Variants in RBL1 observed in about 807,000 individuals in gnomAD.
The protein encoded by RBL1 is retinoblastoma-like protein 1.
A neutral mutation model predicts 123.0 loss-of-function variants in RBL1; 82 were observed. The ratio of observed to expected loss-of-function variants is 0.67; its 90% CI spans 0.56 to 0.80. The LOEUF (loss-of-function observed/expected upper bound fraction) is 0.80, where lower values mean the gene tolerates loss of function less well. Ranked by LOEUF, RBL1 falls within the 30% of genes least tolerant of loss-of-function variation. The pLI is 0.00. For synonymous variants in RBL1, 405 were observed against 441.3 expected (o/e 0.92, Z 1.03); for missense variants, 1,171 against 1,299.6 (o/e 0.90, Z 1.52).
chr20:36,999,548 G>C (rs2146189848), intron 21 of RBL1, among the ~76,000 whole-genome samples: 1 of 150,706 alleles, frequency 6.6e-6, no homozygotes, highest in South Asian at 2.1e-4. Flanking sequence ...CCGAGCCAAA[G>C]CTGGACTGTA....
chr20:37,001,939 AAAAC>A lies in RBL1; in HGVS notation c.3036+1759_3036+1762del, dbSNP rs1305853066. Among the ~76,000 whole-genome samples, 361 of 150,240 alleles carry A rather than the reference AAAAC, an allele frequency of 2.4e-3. 2 individuals carry two copies. The highest frequency in any genetic ancestry group is 8.0e-3 in the African/African-American group (327 of 40,782). On this transcript the variant is annotated intron_variant, in intron 21 of 21. Transcript: ENST00000373664. ...ACAATAAAAAAAAAAAAAAAAAAAA[AAAAC>A]AAACCAAACCAATCCAAACCAAAAC...
At chr20:37,062,693 C>T (rs1331094261) in intron 7 of RBL1, among the ~76,000 whole-genome samples, 1 of 148,646 alleles carries the variant, frequency 6.7e-6, no homozygotes, top group African/African-American at 2.5e-5. Flanking sequence ...CGGTGGCTCA[C>T]GCCTGTAATC....
chr20:37,056,162 C>T lies in RBL1; in HGVS notation c.1347G>A (p.Gln449=), dbSNP rs1437721531. Residue 449 remains glutamine (Q), a synonymous_variant, in exon 10 of 22, where the codon CAG becomes CAA. Transcript: ENST00000373664. ...CQHYTQSTDE[Q]PGSHIDFAVN... The stretch of plus-strand genomic sequence containing the variant: ...TTTTCTTACCTATGTGAGATCCTGG[C>T]TGTTCATCTGTTGATTGAGTATAGT... 2 of 1,607,904 alleles carry T rather than the reference C, an allele frequency of 1.2e-6. No individual in the cohort carries two copies. Among genetic ancestry groups the T allele is most frequent in the East Asian group, 2.2e-5 (1 of 44,842 alleles).
intron 11 of RBL1, among the ~76,000 whole-genome samples, chr20:37,053,179 A>T (rs1490818998): frequency 2.0e-5 from 3 of 152,224 alleles, no homozygotes; most frequent in Non-Finnish European, 4.4e-5. Flanking sequence ...TCAACCAACA[A>T]GATAAAACTG....
chr20:37,003,970 C>A, intron 20 of RBL1, 104 bp from the exon 21 acceptor site: 1 of 973,914 alleles, frequency 1.0e-6, no homozygotes, highest in Non-Finnish European at 1.4e-6. Flanking sequence ...AACAGTTATA[C>A]TGTAAAAAGC....
chr20:37,062,728 G>A (rs1467039132), intron 7 of RBL1, among the ~76,000 whole-genome samples: 2 of 151,744 alleles, frequency 1.3e-5, no homozygotes, highest in Non-Finnish European at 2.9e-5. Flanking sequence ...GGCCGAGGCG[G>A]GCAGATCACG....
Position 37,055,585 on chromosome 20 carries a change from C to G in RBL1, c.1435G>C (p.Glu479Gln). The G allele has an allele frequency of 6.2e-7, 1 of 1,614,114 alleles. No individual in the cohort carries two copies. The highest frequency in any genetic ancestry group is 8.5e-7 in the Non-Finnish European group (1 of 1,180,024). ...YKILETVMVQ[E>Q]TRRLHGMDMS... ...TCCATTCCATGAAGTCTTCGTGTTT[C>G]CTGAACCATTACAGTCTCTAGTATT... Residue 479 changes from glutamate to glutamine, a missense_variant, in exon 11 of 22, where the codon GAA becomes CAA. Physicochemically the swap from Glu to Gln is conservative, Grantham distance 29. Transcript: ENST00000373664.
intron 12 of RBL1, among the ~76,000 whole-genome samples, chr20:37,046,275 T>C (rs977929902): frequency 6.6e-6 from 1 of 152,194 alleles, no homozygotes; most frequent in African/African-American, 2.4e-5. Flanking sequence ...GATTATAATT[T>C]TCATTCATAA....
At chr20:37,001,918 T>TAAAAAAAAAAAAAAAAAAAAAAACAA (rs2063988222) in intron 21 of RBL1, among the ~76,000 whole-genome samples, 1 of 86,544 alleles carries the variant, frequency 1.2e-5, no homozygotes, top group African/African-American at 4.4e-5. Context: ...TGCAGAACAA[T>TAAAAAAAAAAAAAAAAAAAAAAACAA]AAAAAAAAAA....
rs2065194391 is a variant in RBL1, at chr20:37,067,283, C to T, written c.506G>A (p.Ser169Asn). 2.5e-6 allele frequency: 4 copies of T among 1,602,972 alleles called. No individual in the cohort carries two copies. Among genetic ancestry groups the T allele is most frequent in the South Asian group, 2.3e-5 (2 of 87,858 alleles). ...RSRKQRRIPC[S>N]VKDLFNFCWT... ...ACAGAAATTAAACAGATCCTTAACA[C>T]TGCAAGGAATCCTCCTAAAAAGGGA... is the stretch of plus-strand genomic sequence containing the variant. The change falls in exon 4 of 22, where the codon AGT (serine) becomes AAT (asparagine). Residue 169 changes from serine to asparagine, a missense_variant. Ser to Asn is a conservative substitution (Grantham distance 46, BLOSUM62 1). Transcript: ENST00000373664.
intron 2 of RBL1, among the ~76,000 whole-genome samples, chr20:37,087,573 G>C (rs6017242): frequency 0.01 from 1,575 of 152,196 alleles, 25 homozygotes; most frequent in African/African-American, 0.036. Context: ...GGGCAATACA[G>C]CAAGACTCGG....
chr20:37,066,853 A>ACG lies in RBL1; in HGVS notation c.716_717insCG (p.Thr240ValfsTer23). The ACG allele has an allele frequency of 6.2e-7, 1 of 1,614,058 alleles. No homozygotes were observed. Among genetic ancestry groups the ACG allele is most frequent in the Non-Finnish European group, 8.5e-7 (1 of 1,179,948 alleles). ...TGCAGGGTGGCTCTTCAGAAGCCGTAAAGTCAGCAGTATGAAAATCAGATG... is the reference window on the plus strand; with the variant it reads ...TGCAGGGTGGCTCTTCAGAAGCCGTACGAAGTCAGCAGTATGAAAATCAGATG... On this transcript the variant is annotated frameshift_variant, in exon 6 of 22. Coordinates refer to ENST00000373664, the MANE Select transcript of RBL1 (RefSeq NM_002895.5). LOFTEE classifies it high-confidence loss of function.
At chr20:37,026,563 G>C (rs1438172793) in intron 16 of RBL1, among the ~76,000 whole-genome samples, 2 of 152,086 alleles carry the variant, frequency 1.3e-5, no homozygotes, top group African/African-American at 4.8e-5. Context: ...AATTAGCCGG[G>C]TGTGGTGGCA....
intron 2 of RBL1, among the ~76,000 whole-genome samples, chr20:37,079,781 C>A (rs1362224048): frequency 1.3e-5 from 2 of 152,132 alleles, no homozygotes; most frequent in African/African-American, 4.8e-5. Context: ...AGCCACCACG[C>A]CCAGCCCACA....
chr20:37,043,944 C>A, intron 13 of RBL1, 142 bp downstream of exon 13: 1 of 557,090 alleles, frequency 1.8e-6, no homozygotes, highest in Non-Finnish European at 2.9e-6. Flanking sequence ...GTTATGGCTG[C>A]ACATATCTAT....
intron 19 of RBL1, among the ~76,000 whole-genome samples, chr20:37,012,706 C>T (rs547677479): frequency 2.0e-4 from 31 of 151,494 alleles, no homozygotes; most frequent in African/African-American, 7.0e-4. Flanking sequence ...GGTCAACCCC[C>T]GCCAGGCCAG....
chr20:37,079,285 G>A (rs1299391080), intron 2 of RBL1, among the ~76,000 whole-genome samples: 2 of 145,542 alleles, frequency 1.4e-5, no homozygotes, highest in African/African-American at 2.5e-5. Flanking sequence ...TTTAGAAAAA[G>A]AAACTTTTTT....
intron 7 of RBL1, among the ~76,000 whole-genome samples, chr20:37,062,969 G>A (rs537380508): frequency 9.9e-5 from 15 of 152,234 alleles, no homozygotes; most frequent in Admixed American, 2.0e-4. Flanking sequence ...GCGACAGAGC[G>A]AGACTCCGTC....
In RBL1 at chr20:37,085,623, G is replaced by A. The variant is rs1409296785; in HGVS notation, c.290+3366C>T. 2.1e-5 allele frequency among the ~76,000 whole-genome samples: 3 copies of A among 140,508 alleles called. No individual in the cohort carries two copies. The East Asian group carries it at 6.3e-4, about 30-fold the overall frequency. 92.2% of individuals were successfully genotyped at this position (140,508 alleles called of 152,430 possible). A position where few individuals can be genotyped will look rare whatever the true frequency, so the allele number is the denominator to read the frequency against. ...ACCATCACCACTGTCCATCTCCAGA[G>A]TTTGTTTCATTATTTGAAATTTGAT... On this transcript the variant is annotated intron_variant, in intron 2 of 21. Transcript: ENST00000373664.
Sources: gnomAD v4.1 joint callset for allele counts (sites outside exome capture counted in the v4.1 genomes callset) on GRCh38, gnomAD v4.1.1 for gene constraint, MANE v1.5 for transcripts, NCBI Gene and HGNC (gene_info 2026-07-23, HGNC 2026-07-21) for gene names.